Variants in CWH43 observed in about 807,000 individuals in gnomAD.
The protein encoded by CWH43 is cell wall biogenesis 43 C-terminal homolog.
In CWH43, 91 loss-of-function variants were observed where a neutral mutation model predicts 85.7. That is an observed-to-expected ratio of 1.06 (90% CI 0.90 to 1.26). The LOEUF (loss-of-function observed/expected upper bound fraction) is 1.26, where lower values mean the gene tolerates loss of function less well. Ranked by LOEUF, CWH43 falls within the 50% of genes most tolerant of loss-of-function variation. CWH43 has a pLI of 0.00. For missense variants in CWH43, 869 were observed against 839.2 expected (o/e 1.04, Z -0.44); for synonymous variants, 323 against 293.6 (o/e 1.10, Z -1.02).
intron 13 of CWH43, among the ~76,000 whole-genome samples, chr4:49,038,718 A>G (rs1457969708): frequency 2.6e-5 from 4 of 152,178 alleles, no homozygotes; most frequent in Admixed American, 2.6e-4. Context: ...GGAAAGTGAG[A>G]TTTTGTTGTA....
intron 5 of CWH43, among the ~76,000 whole-genome samples, chr4:48,995,794 C>T (rs1782791870): frequency 6.6e-6 from 1 of 152,172 alleles, no homozygotes; most frequent in Non-Finnish European, 1.5e-5. Flanking sequence ...CTTCTCTATC[C>T]CTAAGTTCAT....
At chr4:49,013,265 A>C (rs1484599966) in intron 8 of CWH43, among the ~76,000 whole-genome samples, 1 of 152,266 alleles carries the variant, frequency 6.6e-6, no homozygotes, top group East Asian at 1.9e-4. Flanking sequence ...ACTAGCAGTG[A>C]GCAAGGCTCC....
intron 7 of CWH43, among the ~76,000 whole-genome samples, chr4:49,004,678 C>A (rs1783099280): frequency 6.6e-6 from 1 of 152,144 alleles, no homozygotes; most frequent in South Asian, 2.1e-4. Flanking sequence ...GTGTGAGCCA[C>A]CACACCTAGA....
At chr4:49,005,399 C>A (rs2109763608) in intron 7 of CWH43, among the ~76,000 whole-genome samples, 1 of 152,164 alleles carries the variant, frequency 6.6e-6, no homozygotes, top group South Asian at 2.1e-4. Context: ...CCACTCCCAG[C>A]TGCTGAAATA....
chr4:48,991,577 A>G lies in CWH43; in HGVS notation c.356+3A>G, dbSNP rs374986085. The G allele has an allele frequency of 7.4e-6, 12 of 1,613,742 alleles. No individual in the cohort carries two copies. The highest frequency in any genetic ancestry group is 1.0e-5 in the Non-Finnish European group (12 of 1,179,878). On this transcript the variant is annotated splice_donor_region_variant and intron_variant, in intron 3 of 15. Transcript: ENST00000226432. ...TGGTCAGGAAGTCATTTGCAAAGGTATGGTTAATGTTTCATGTACTTATAG... is the reference window on the plus strand; with the variant it reads ...TGGTCAGGAAGTCATTTGCAAAGGTGTGGTTAATGTTTCATGTACTTATAG...
At chr4:49,047,953 A>G (rs1784678751) in intron 14 of CWH43, among the ~76,000 whole-genome samples, 1 of 152,210 alleles carries the variant, frequency 6.6e-6, no homozygotes, top group African/African-American at 2.4e-5. Context: ...TAGCTGTGGA[A>G]CAGATAGCTT....
chr4:49,011,409 T>C (rs1463559670), intron 8 of CWH43, among the ~76,000 whole-genome samples: 2 of 152,182 alleles, frequency 1.3e-5, no homozygotes, highest in Admixed American at 6.6e-5. Flanking sequence ...AGCACAGTAA[T>C]GGGTCTTGAC....
chr4:49,039,336 G>GTATATATATATAT (rs1784374546), intron 13 of CWH43, among the ~76,000 whole-genome samples: 1 of 4,430 alleles, frequency 2.3e-4, no homozygotes, highest in Non-Finnish European at 6.0e-4. Flanking sequence ...TATATATACT[G>GTATATATATATAT]ATGTATATAT....
intron 9 of CWH43, among the ~76,000 whole-genome samples, chr4:49,027,823 C>T (rs1783963144): frequency 6.6e-6 from 1 of 152,138 alleles, no homozygotes; most frequent in African/African-American, 2.4e-5. Context: ...CCACCTCCCT[C>T]CCTGAGTTCC....
Position 48,987,837 on chromosome 4 carries a change from C to T in CWH43, c.44-640C>T, listed in dbSNP as rs143579086. On this transcript the variant is annotated intron_variant, in intron 1 of 15. Coordinates refer to ENST00000226432, the MANE Select transcript of CWH43 (RefSeq NM_025087.3). ...GTCTACTCAAGGGAACGACTGCTGC[C>T]TCACTCAAGTGCTTTTGGGTGTAGT... Among the ~76,000 whole-genome samples, 934 of 152,310 alleles carry T rather than the reference C, an allele frequency of 6.1e-3. 2 individuals are homozygous for T. The highest frequency in any genetic ancestry group is 0.014 in the Middle Eastern group (4 of 294).
intron 1 of CWH43, 173 bp downstream of exon 1, chr4:48,986,645 G>A: frequency 7.1e-7 from 1 of 1,411,086 alleles, no homozygotes. Context: ...AGGGAATAAA[G>A]GAAAAGACCT....
At chr4:49,054,432 T>G (rs1000362966) in intron 15 of CWH43, among the ~76,000 whole-genome samples, 3 of 152,126 alleles carry the variant, frequency 2.0e-5, no homozygotes, top group African/African-American at 7.2e-5. Flanking sequence ...TTTTGGAATC[T>G]GGTAGCGTGA....
intron 9 of CWH43, among the ~76,000 whole-genome samples, chr4:49,027,875 G>T (rs758859037): frequency 2.6e-5 from 4 of 152,086 alleles, no homozygotes; most frequent in Non-Finnish European, 5.9e-5. Context: ...GATACTTAGG[G>T]TTGGGCAGCG....
chr4:49,045,991 A>T (rs1203692672), intron 14 of CWH43, among the ~76,000 whole-genome samples: 2 of 152,022 alleles, frequency 1.3e-5, no homozygotes, highest in Non-Finnish European at 2.9e-5. Context: ...ATTGACTAAC[A>T]TCTCCCCATC....
chr4:49,022,366 T>A (rs995623272), intron 9 of CWH43, among the ~76,000 whole-genome samples: 4 of 152,212 alleles, frequency 2.6e-5, no homozygotes, highest in African/African-American at 7.2e-5. Context: ...GACTTACTGA[T>A]GTTAAACCAT....
intron 4 of CWH43, among the ~76,000 whole-genome samples, chr4:48,993,421 C>T (rs1200344156): frequency 1.3e-5 from 2 of 152,170 alleles, no homozygotes; most frequent in African/African-American, 4.8e-5. Context: ...TCTGCCCCTC[C>T]TCACTCTGAT....
At chr4:49,038,470 C>A (rs1158606726) in intron 13 of CWH43, among the ~76,000 whole-genome samples, 1 of 152,116 alleles carries the variant, frequency 6.6e-6, no homozygotes, top group African/African-American at 2.4e-5. Context: ...ATTTATAGGT[C>A]GCAAGTTGTG....
In CWH43 at chr4:48,986,398, T is replaced by C; in HGVS notation, c.-32T>C. ...GGGCAGCGGGCCCGACCCGCACGGC[T>C]TTCCTGGAAAGCGCTGCCCCTCGCC... On this transcript the variant is annotated 5_prime_UTR_variant, in exon 1 of 16. Coordinates refer to ENST00000226432, the MANE Select transcript of CWH43 (RefSeq NM_025087.3). 1 of 1,547,328 alleles carries C rather than the reference T, an allele frequency of 6.5e-7. No homozygotes were observed. The highest frequency in any genetic ancestry group is 8.7e-7 in the Non-Finnish European group (1 of 1,145,626).
intron 4 of CWH43, 25 bp from the exon 5 acceptor site, chr4:48,994,594 C>T: frequency 1.3e-6 from 2 of 1,587,234 alleles, no homozygotes; most frequent in Non-Finnish European, 1.7e-6. Context: ...TAAACTTTTT[C>T]CATATATGTA....
Sources: gnomAD v4.1 joint callset for allele counts (sites outside exome capture counted in the v4.1 genomes callset) on GRCh38, gnomAD v4.1.1 for gene constraint, MANE v1.5 for transcripts, NCBI Gene and HGNC (gene_info 2026-07-23, HGNC 2026-07-21) for gene names.